Variants in KCNIP4 observed in about 807,000 individuals in gnomAD.
The protein encoded by KCNIP4 is Kv channel-interacting protein 4.
In KCNIP4, 12 loss-of-function variants were observed where a neutral mutation model predicts 34.0. The ratio of observed to expected loss-of-function variants is 0.35; its 90% CI spans 0.23 to 0.57. KCNIP4 has a LOEUF of 0.57. KCNIP4 is among the 20% of genes least tolerant of loss of function. KCNIP4 has a pLI of 0.83. For missense variants in KCNIP4, 238 were observed against 311.7 expected (o/e 0.76, Z 1.78); for synonymous variants, 124 against 102.2 (o/e 1.21, Z -1.29).
chr4:21,902,586 T>C (rs1371840867), intron 1 of KCNIP4, among the ~76,000 whole-genome samples: 1 of 151,982 alleles, frequency 6.6e-6, no homozygotes, highest in Admixed American at 6.6e-5. Flanking sequence ...GGAAAAACTT[T>C]CAGGTCAAGG....
At chr4:20,812,266 A>G (rs1057303738) in intron 3 of KCNIP4, among the ~76,000 whole-genome samples, 2 of 152,190 alleles carry the variant, frequency 1.3e-5, no homozygotes, top group African/African-American at 4.8e-5. Context: ...AAAATCCAAA[A>G]CCTAGAGAAG....
intron 1 of KCNIP4, among the ~76,000 whole-genome samples, chr4:21,573,265 C>T (rs1740491662): frequency 6.6e-6 from 1 of 152,054 alleles, no homozygotes; most frequent in Non-Finnish European, 1.5e-5. Flanking sequence ...GAACTCTAAT[C>T]CACTAAAACT....
intron 1 of KCNIP4, among the ~76,000 whole-genome samples, chr4:21,102,705 T>C (rs369772443): frequency 6.6e-6 from 1 of 152,246 alleles, no homozygotes; most frequent in Admixed American, 6.5e-5. Context: ...AATAAGTCTA[T>C]TAAAATCTTC....
intron 1 of KCNIP4, chr4:20,984,116 C>T: frequency 1.3e-6 from 1 of 796,738 alleles, no homozygotes; most frequent in Non-Finnish European, 1.9e-6. Flanking sequence ...AGTCCAGCTT[C>T]TCATGCTGAT....
chr4:21,667,408 C>T (rs2109001105), intron 1 of KCNIP4, among the ~76,000 whole-genome samples: 1 of 152,274 alleles, frequency 6.6e-6, no homozygotes, highest in South Asian at 2.1e-4. Context: ...CAAACAATGT[C>T]ACTGCTAAGC....
chr4:20,876,373 GC>G (rs1724032337), intron 2 of KCNIP4, among the ~76,000 whole-genome samples: 1 of 152,108 alleles, frequency 6.6e-6, no homozygotes, highest in Admixed American at 6.6e-5. Flanking sequence ...AGGAGTTATA[GC>G]CAGAGACTTG....
intron 1 of KCNIP4, among the ~76,000 whole-genome samples, chr4:21,518,062 G>C (rs923503268): frequency 3.3e-5 from 5 of 152,126 alleles, no homozygotes; most frequent in Non-Finnish European, 7.3e-5. Context: ...AATTGAACAT[G>C]AGATTTCCCA....
chr4:20,906,274 T>C (rs1246131573), intron 1 of KCNIP4, among the ~76,000 whole-genome samples: 1 of 152,140 alleles, frequency 6.6e-6, no homozygotes, highest in East Asian at 1.9e-4. Context: ...TAGTGAAACA[T>C]GTTAAGGTTC....
intron 1 of KCNIP4, among the ~76,000 whole-genome samples, chr4:21,449,582 T>C (rs539853545): frequency 4.2e-4 from 63 of 151,610 alleles, no homozygotes; most frequent in African/African-American, 1.2e-3. Context: ...TTTTTCCACA[T>C]CTCCATATCA....
chr4:21,900,268 T>C (rs910416424), intron 1 of KCNIP4, among the ~76,000 whole-genome samples: 1 of 152,200 alleles, frequency 6.6e-6, no homozygotes, highest in African/African-American at 2.4e-5. Context: ...TTAAAAGTAA[T>C]TAGAAAATTC....
At chr4:21,607,899 T>C (rs1467607941) in intron 1 of KCNIP4, among the ~76,000 whole-genome samples, 2 of 152,136 alleles carry the variant, frequency 1.3e-5, no homozygotes, top group East Asian at 1.9e-4. Flanking sequence ...TCCACAATCA[T>C]CTGCTTCACA....
intron 1 of KCNIP4, among the ~76,000 whole-genome samples, chr4:21,493,453 C>T (rs897336896): frequency 6.0e-5 from 9 of 150,700 alleles, no homozygotes; most frequent in Admixed American, 2.0e-4. Context: ...CATCCATCTT[C>T]GGAATTCTCT....
intron 1 of KCNIP4, among the ~76,000 whole-genome samples, chr4:21,157,320 C>T (rs1334512287): frequency 6.7e-6 from 1 of 148,774 alleles, no homozygotes; most frequent in African/African-American, 2.5e-5. Context: ...CAAAAATCCT[C>T]ACCTATTTGC....
At chr4:21,159,237 T>C (rs553703105) in intron 1 of KCNIP4, among the ~76,000 whole-genome samples, 106 of 152,280 alleles carry the variant, frequency 7.0e-4, no homozygotes, top group African/African-American at 2.4e-3. Flanking sequence ...ATTATTAATA[T>C]AGTGTGTGTC....
Position 21,882,594 on chromosome 4 carries a change from G to A in KCNIP4, c.61+65977C>T, listed in dbSNP as rs182999122. ...AGGAAAAGCTTGCAGAAGAAGAAAC[G>A]GAAGCATGTAGGAGACCAGACAGAA... On this transcript the variant is annotated intron_variant, in intron 1 of 8. Transcript: ENST00000382152. 1.3e-3 allele frequency among the ~76,000 whole-genome samples: 198 copies of A among 152,204 alleles called. 1 individual carries two copies. Among genetic ancestry groups the A allele is most frequent in the Middle Eastern group, 6.8e-3 (2 of 294 alleles).
chr4:21,343,504 T>C (rs1716965556), intron 1 of KCNIP4, among the ~76,000 whole-genome samples: 1 of 152,090 alleles, frequency 6.6e-6, no homozygotes, highest in South Asian at 2.1e-4. Flanking sequence ...GTCAGTAAAA[T>C]AGCTTCTATC....
intron 1 of KCNIP4, among the ~76,000 whole-genome samples, chr4:21,440,884 T>C (rs542083261): frequency 2.0e-5 from 3 of 152,136 alleles, no homozygotes; most frequent in African/African-American, 7.2e-5. Flanking sequence ...CCTAGATATA[T>C]AGCAATTTAT....
rs188893178 is a variant in KCNIP4 at position 21,407,677 on chromosome 4, T to C, written c.62-524968A>G. 1.7e-3 allele frequency among the ~76,000 whole-genome samples: 266 copies of C among 152,344 alleles called. 1 individual carries two copies. Among genetic ancestry groups the C allele is most frequent in the African/African-American group, 6.1e-3 (252 of 41,594 alleles). On this transcript the variant is annotated intron_variant, in intron 1 of 8. Coordinates refer to ENST00000382152, the MANE Select transcript of KCNIP4 (RefSeq NM_025221.6). ...TGCCAGAACCTAAACTCTTAACTAATACACTATTGCACATTTTGAACTCCC... is the reference window on the plus strand; with the variant it reads ...TGCCAGAACCTAAACTCTTAACTAACACACTATTGCACATTTTGAACTCCC...
chr4:21,525,271 CT>C (rs1445018022), intron 1 of KCNIP4, among the ~76,000 whole-genome samples: 3 of 152,036 alleles, frequency 2.0e-5, no homozygotes, highest in Admixed American at 2.0e-4. Flanking sequence ...ATATGGAAAA[CT>C]TCTAGGAGGC....
Sources: allele counts gnomAD v4.1 joint callset (sites outside exome capture counted in the v4.1 genomes callset), GRCh38; gene constraint gnomAD v4.1.1; transcripts MANE v1.5; gene names NCBI Gene and HGNC (gene_info 2026-07-23, HGNC 2026-07-21).